Variants in SURF4 observed in about 807,000 individuals in gnomAD.
SURF4 encodes surfeit locus protein 4.
In SURF4, 3 loss-of-function variants were observed where a neutral mutation model predicts 30.0. The ratio of observed to expected loss-of-function variants is 0.10; its 90% CI spans 0.05 to 0.26. The LOEUF is 0.26. SURF4 is among the 10% of genes least tolerant of loss of function. SURF4 has a pLI of 1.00. For synonymous variants in SURF4, 143 were observed against 139.9 expected (o/e 1.02, Z -0.16); for missense variants, 217 against 350.8 (o/e 0.62, Z 3.05).
chr9:133,367,328 C>G lies in SURF4; in HGVS notation c.166G>C (p.Asp56His), dbSNP rs1443806808. The G allele has an allele frequency of 6.2e-7, 1 of 1,614,128 alleles. No individual in the cohort carries two copies. Among genetic ancestry groups the G allele is most frequent in the African/African-American group, 1.3e-5 (1 of 74,952 alleles). Reference protein sequence around the residue: ...FQWSEQRDYIDTTWNCGYLLA... With the variant: ...FQWSEQRDYIHTTWNCGYLLA... ...AGGTAGCCGCAGTTCCAGGTGGTGTCGATGTAGTCGCGCTGCTCGCTCCAC... is the reference window on the plus strand; with the variant it reads ...AGGTAGCCGCAGTTCCAGGTGGTGTGGATGTAGTCGCGCTGCTCGCTCCAC... Residue 56 changes from aspartate (D) to histidine (H), a missense_variant, in exon 2 of 6, where the codon GAC becomes CAC. Transcript: ENST00000371989.
At chr9:133,370,789 C>T in intron 1 of SURF4, 1 of 1,061,586 alleles carries the variant, frequency 9.4e-7, no homozygotes, top group Non-Finnish European at 1.3e-6. Flanking sequence ...GACAGTCCCC[C>T]TCCCCCCCAT....
At chr9:133,370,461 GCCA>G (rs1258438613) in intron 1 of SURF4, among the ~76,000 whole-genome samples, 2 of 152,176 alleles carry the variant, frequency 1.3e-5, no homozygotes, top group Admixed American at 1.3e-4. Context: ...CTCTAAACTG[GCCA>G]CCATTTAATG....
chr9:133,376,543 C>T (rs2130249207), upstream of SURF4: 56 of 1,598,798 alleles, frequency 3.5e-5, no homozygotes, highest in African/African-American at 5.0e-4. Flanking sequence ...CCCCGGAGAG[C>T]CCATGGAGAA....
At chr9:133,364,139 G>A (rs1304291571) in intron 5 of SURF4, among the ~76,000 whole-genome samples, 3 of 152,202 alleles carry the variant, frequency 2.0e-5, no homozygotes, top group African/African-American at 7.2e-5. Flanking sequence ...TACCCGGCCA[G>A]GGCTCTCAGT....
rs1174219447 is a variant in SURF4 at position 133,363,808 on chromosome 9, G to A, written c.544-49C>T. On this transcript the variant is annotated intron_variant, in intron 5 of 5. Transcript: ENST00000371989. The surrounding 1 kb of genome is among the most constrained non-coding windows in gnomAD (Gnocchi z 4.3). The stretch of plus-strand genomic sequence containing the variant: ...ATTCAAAATAAATGTGAGGAAAAGA[G>A]ATGCTTTATAAACAAAAGTTCCAGC... 1.9e-6 allele frequency: 3 copies of A among 1,609,646 alleles called. No individual in the cohort carries two copies. Among genetic ancestry groups the A allele is most frequent in the Non-Finnish European group, 2.5e-6 (3 of 1,176,656 alleles).
In SURF4 at chr9:133,367,643, AC is replaced by A. The variant is rs112096361; in HGVS notation, c.49-199del. The A allele has an allele frequency of 0.013, 17,927 of 1,401,340 alleles. 1,525 individuals carry two copies. In the African/African-American group the frequency reaches 0.2, roughly 16 times the overall value. 86.8% of individuals were successfully genotyped at this position (1,401,340 alleles called of 1,614,324 possible). The stretch of plus-strand genomic sequence containing the variant: ...TGAGCGCTACCCTGTGAGTCTGGAC[AC>A]ATGCAACAATCCAAGGATCAGTCCC... On this transcript the variant is annotated intron_variant, in intron 1 of 5. Coordinates refer to ENST00000371989, the MANE Select transcript of SURF4 (RefSeq NM_033161.4).
chr9:133,369,966 G>C (rs2130175166), intron 1 of SURF4, among the ~76,000 whole-genome samples: 2 of 152,222 alleles, frequency 1.3e-5, no homozygotes, highest in Non-Finnish European at 2.9e-5. Context: ...GACCCCAACA[G>C]CAGCAGAGAG....
intron 1 of SURF4, among the ~76,000 whole-genome samples, chr9:133,373,882 C>T (rs1038193896): frequency 1.5e-5 from 2 of 130,170 alleles, no homozygotes; most frequent in African/African-American, 5.6e-5. Context: ...CGCACCATTA[C>T]ACTCCAGCCT....
intron 1 of SURF4, among the ~76,000 whole-genome samples, chr9:133,369,318 G>T (rs142661753): frequency 4.6e-5 from 7 of 152,344 alleles, no homozygotes; most frequent in Non-Finnish European, 1.0e-4. Flanking sequence ...TTTGGGAGAT[G>T]AAGTGCAGGT....
rs2130096354 is a variant in SURF4 at position 133,363,909 on chromosome 9, G to A, written c.544-150C>T. Reference sequence around the variant, plus strand: ...AGACGGCTGCTGGTGCAAGTAGGGAGATAAAAGCCAAAGGGAGGCAGGAGG... The same window carrying A: ...AGACGGCTGCTGGTGCAAGTAGGGAAATAAAAGCCAAAGGGAGGCAGGAGG... On this transcript the variant is annotated intron_variant, in intron 5 of 5. Coordinates refer to ENST00000371989, the MANE Select transcript of SURF4 (RefSeq NM_033161.4). This position sits in a 1 kb window ranked among gnomAD's most constrained non-coding sequence, Gnocchi z 4.3. The A allele has an allele frequency of 4.1e-6, 4 of 985,572 alleles. No homozygotes were observed. The highest frequency in any genetic ancestry group is 6.4e-6 in the Non-Finnish European group (4 of 629,844). The allele number at this position is 985,572 out of a possible 1,614,324, so 61.1% of individuals were successfully genotyped here.
At chr9:133,366,703 C>T in intron 2 of SURF4, 28 bp from the exon 3 acceptor site, 4 of 1,610,082 alleles carry the variant, frequency 2.5e-6, no homozygotes, top group African/African-American at 1.3e-5. Flanking sequence ...GGTTAGGGGG[C>T]CTGAGGGTGG....
chr9:133,366,765 G>T, intron 2 of SURF4, 90 bp from the exon 3 acceptor site: 1 of 1,249,836 alleles, frequency 8.0e-7, no homozygotes, highest in African/African-American at 1.5e-5. Context: ...CTGGCCCTTA[G>T]GTCCAGAGGC....
In SURF4 at chr9:133,369,242, T is replaced by C. The variant is rs2130167647; in HGVS notation, c.49-1797A>G. Among the ~76,000 whole-genome samples, 1,034 of 152,258 alleles carry C rather than the reference T, an allele frequency of 6.8e-3. 79 individuals carry two copies. In the East Asian group the frequency reaches 0.15, roughly 22 times the overall value. On this transcript the variant is annotated intron_variant, in intron 1 of 5. Coordinates refer to ENST00000371989, the MANE Select transcript of SURF4 (RefSeq NM_033161.4). ...GTTCTGCACACATTTACTCAGCCTT[T>C]GACTCCACGGAAGTGATGGGAGAAA...
chr9:133,368,859 C>T (rs1588714097), intron 1 of SURF4, among the ~76,000 whole-genome samples: 1 of 152,186 alleles, frequency 6.6e-6, no homozygotes, highest in African/African-American at 2.4e-5. Flanking sequence ...CATCCACCAA[C>T]GCATGTTGGG....
chr9:133,372,836 A>G (rs2130200553), intron 1 of SURF4, among the ~76,000 whole-genome samples: 33 of 152,346 alleles, frequency 2.2e-4, no homozygotes, highest in African/African-American at 5.5e-4. Context: ...ACAAGAAGCC[A>G]TATTTTGACT....
chr9:133,363,220 C>G lies in SURF4; in HGVS notation c.*273G>C. The G allele has an allele frequency of 1.6e-6, 1 of 627,002 alleles. No individual in the cohort carries two copies. Among genetic ancestry groups the G allele is most frequent in the South Asian group, 1.9e-5 (1 of 51,642 alleles). 38.8% of individuals were successfully genotyped at this position (627,002 alleles called of 1,614,324 possible). A position where few individuals can be genotyped will look rare whatever the true frequency, so the allele number is the denominator to read the frequency against. ...ATAGGACTGAGATGCCACAGCCAAG[C>G]GGGCTGTTCACTCCAAAGCCTCGGC... On this transcript the variant is annotated 3_prime_UTR_variant, in exon 6 of 6. Transcript: ENST00000371989. This position sits in a 1 kb window ranked among gnomAD's most constrained non-coding sequence, Gnocchi z 4.3.
chr9:133,376,002 G>T lies in SURF4; in HGVS notation c.-33C>A, dbSNP rs1039708488. The T allele has an allele frequency of 2.5e-6, 3 of 1,221,042 alleles. No individual in the cohort carries two copies. The highest frequency in any genetic ancestry group is 1.6e-5 in the African/African-American group (1 of 63,674). The allele number at this position is 1,221,042 out of a possible 1,614,324, so 75.6% of individuals were successfully genotyped here. A position where few individuals can be genotyped will look rare whatever the true frequency, so the allele number is the denominator to read the frequency against. On this transcript the variant is annotated 5_prime_UTR_variant, in exon 1 of 6. Coordinates refer to ENST00000371989, the MANE Select transcript of SURF4 (RefSeq NM_033161.4). ...GCGGGAGGCTCGGCTCGGCTCGCTC[G>T]CTCGCTCGCTGGCTCTCGCCCGTCG...
upstream of SURF4, chr9:133,376,419 C>A (rs1837947564): frequency 6.7e-7 from 1 of 1,495,374 alleles, no homozygotes; most frequent in Non-Finnish European, 8.9e-7. Context: ...TCCCACTGAC[C>A]CACGCGGGGT....
At chr9:133,371,252 G>C in intron 1 of SURF4, 1 of 470,026 alleles carries the variant, frequency 2.1e-6, no homozygotes, top group South Asian at 9.0e-5. Context: ...GGGCTGCCTT[G>C]TTCAAAGCCC....
Sources: allele counts gnomAD v4.1 joint callset (sites outside exome capture counted in the v4.1 genomes callset), GRCh38; gene constraint gnomAD v4.1.1; non-coding constraint Gnocchi (gnomAD v3.1); transcripts MANE v1.5; gene names NCBI Gene and HGNC (gene_info 2026-07-23, HGNC 2026-07-21).